The following EDIL3 variants were observed in gnomAD, a reference collection of about 807,000 sequenced individuals.
EDIL3 encodes EGF like and discoidin domains 3, also known as EGF-like repeat and discoidin I-like domain-containing protein 3.
EDIL3 carries 37 observed loss-of-function variants against 67.4 expected under a neutral mutation model. The observed-to-expected ratio is 0.55, with a 90% CI of 0.42 to 0.72. EDIL3 has a LOEUF of 0.72. Among genes scored for constraint, EDIL3 ranks in the 30% least tolerant of loss-of-function variants. The probability of loss-of-function intolerance (pLI) is 0.00; values close to 1 mark genes in which losing one functional copy is unlikely to be tolerated. For synonymous variants in EDIL3, 195 were observed against 196.3 expected (o/e 0.99, Z 0.05); for missense variants, 527 against 586.3 (o/e 0.90, Z 1.04).
chr5:84,340,749 T>C (rs75145341), intron 1 of EDIL3, among the ~76,000 whole-genome samples: 4,842 of 151,760 alleles, frequency 0.032, 111 homozygotes, highest in Non-Finnish European at 0.048. Context: ...AGTCTTTCCA[T>C]TGCCAGTGAG....
intron 1 of EDIL3, among the ~76,000 whole-genome samples, chr5:84,363,069 G>GTA (rs1747647588): frequency 6.6e-6 from 1 of 151,682 alleles, no homozygotes. Context: ...TCTACTTTAA[G>GTA]TATATACCTT....
At chr5:84,380,170 AAAC>A (rs1748045331) in intron 1 of EDIL3, among the ~76,000 whole-genome samples, 1 of 152,064 alleles carries the variant, frequency 6.6e-6, no homozygotes, top group South Asian at 2.1e-4. Flanking sequence ...TTGATTAAGC[AAAC>A]AACATTATAA....
chr5:84,303,211 T>C (rs999164575), intron 1 of EDIL3, among the ~76,000 whole-genome samples: 1 of 152,244 alleles, frequency 6.6e-6, no homozygotes, highest in Non-Finnish European at 1.5e-5. Flanking sequence ...GACTTCTCTT[T>C]ACTATGTGTG....
chr5:84,371,351 GTATATATA>G (rs1213269268), intron 1 of EDIL3, among the ~76,000 whole-genome samples: 1 of 103,708 alleles, frequency 9.6e-6, no homozygotes, highest in Non-Finnish European at 2.3e-5. Context: ...ATGTGTGTGT[GTATATATA>G]TGTGTGTATA....
intron 9 of EDIL3, among the ~76,000 whole-genome samples, chr5:84,038,169 T>C (rs17629239): frequency 0.16 from 24,208 of 151,524 alleles, 2,318 homozygotes; most frequent in East Asian, 0.29. Context: ...TGCCAGGCTA[T>C]GGAATTCTCT....
At chr5:84,155,051 C>G (rs253160) in intron 4 of EDIL3, among the ~76,000 whole-genome samples, 60,533 of 151,862 alleles carry the variant, frequency 0.4, 12,540 homozygotes, top group East Asian at 0.74. Flanking sequence ...GCTGCAAGCT[C>G]CATCCTGGGA....
chr5:84,200,465 T>C (rs767050984), intron 3 of EDIL3, among the ~76,000 whole-genome samples: 4 of 151,914 alleles, frequency 2.6e-5, no homozygotes, highest in Non-Finnish European at 5.9e-5. Context: ...AGTAACACCA[T>C]AAGTTTTGAA....
intron 1 of EDIL3, among the ~76,000 whole-genome samples, chr5:84,293,878 AT>A (rs1477492609): frequency 6.6e-6 from 1 of 151,726 alleles, no homozygotes; most frequent in Non-Finnish European, 1.5e-5. Flanking sequence ...TTTATATGTA[AT>A]TTCTTGCAAC....
At chr5:84,104,568 T>C (rs1233246373) in intron 6 of EDIL3, among the ~76,000 whole-genome samples, 1 of 152,026 alleles carries the variant, frequency 6.6e-6, no homozygotes, top group Non-Finnish European at 1.5e-5. Context: ...TATAAAACCT[T>C]TCATGTTTAC....
At chr5:84,133,781 C>G (rs1435414032) in intron 5 of EDIL3, among the ~76,000 whole-genome samples, 1 of 151,728 alleles carries the variant, frequency 6.6e-6, no homozygotes, top group Non-Finnish European at 1.5e-5. Flanking sequence ...AATAATAAAA[C>G]TTAACCAAAC....
chr5:84,210,122 A>C (rs1744088211), intron 3 of EDIL3, among the ~76,000 whole-genome samples: 1 of 152,248 alleles, frequency 6.6e-6, no homozygotes, highest in African/African-American at 2.4e-5. Context: ...TCATGTGTTC[A>C]AAACAAAATT....
intron 2 of EDIL3, among the ~76,000 whole-genome samples, chr5:84,248,268 T>C (rs540861624): frequency 9.9e-5 from 15 of 152,258 alleles, no homozygotes; most frequent in Admixed American, 8.5e-4. Flanking sequence ...TCAAAGGAAA[T>C]GCTTATCTTG....
At chr5:84,313,724 G>A (rs369623704) in intron 1 of EDIL3, among the ~76,000 whole-genome samples, 11 of 152,244 alleles carry the variant, frequency 7.2e-5, no homozygotes, top group East Asian at 3.9e-4. Flanking sequence ...CCACATCTCC[G>A]ACCAATTAAA....
chr5:84,011,595 C>A (rs897114851), intron 9 of EDIL3, among the ~76,000 whole-genome samples: 2 of 152,140 alleles, frequency 1.3e-5, no homozygotes, highest in Non-Finnish European at 2.9e-5. Flanking sequence ...TTTTATCACA[C>A]ACAAATCAAA....
intron 1 of EDIL3, among the ~76,000 whole-genome samples, chr5:84,354,503 A>C (rs1446770904): frequency 1.3e-5 from 2 of 151,946 alleles, no homozygotes. Context: ...CTAAAAATAC[A>C]AAAATTAGCC....
At position 84,144,584 on chromosome 5, in the gene EDIL3, C is replaced by T. The variant is rs113945626; in HGVS notation, c.356-7230G>A. Among the ~76,000 whole-genome samples the T allele has an allele frequency of 4.9e-3, 752 of 152,102 alleles. 14 individuals are homozygous for T. Among genetic ancestry groups the T allele is most frequent in the East Asian group, 0.038 (194 of 5,170 alleles). On this transcript the variant is annotated intron_variant, in intron 4 of 10. Coordinates refer to ENST00000296591, the MANE Select transcript of EDIL3 (RefSeq NM_005711.5). ...ACTAGGGAAAAGTGCTTTTGAATTA[C>T]ATGGAGTTATAAATAGTTGACTCTG...
Position 84,254,095 on chromosome 5 carries a change from A to G in EDIL3, c.185T>C (p.Val62Ala), listed in dbSNP as rs201038512. The change falls in exon 2 of 11, where the codon GTT (valine) becomes GCT (alanine). Residue 62 changes from valine (V) to alanine (A), a missense_variant. Coordinates refer to ENST00000296591, the MANE Select transcript of EDIL3 (RefSeq NM_005711.5). The part of the protein sequence containing the change: ...DGFTDPNCSS[V>A]VEVASDEEEP... ...AATTTTGCACTTACCAACCTCCACA[A>G]CACTAGAACAGTTGGGGTCTGTGAA... The G allele has an allele frequency of 2.1e-5, 34 of 1,603,180 alleles. No homozygotes were observed. The highest frequency in any genetic ancestry group is 2.7e-5 in the Non-Finnish European group (32 of 1,175,538).
intron 9 of EDIL3, among the ~76,000 whole-genome samples, chr5:84,019,459 G>A (rs1745670741): frequency 1.3e-5 from 2 of 151,726 alleles, no homozygotes; most frequent in African/African-American, 4.8e-5. Context: ...CAAGTTAATG[G>A]GTGCAGCACA....
At chr5:83,943,612 T>C (rs1744263643) in intron 10 of EDIL3, 44 bp from the exon 11 acceptor site, 1 of 1,593,426 alleles carries the variant, frequency 6.3e-7, no homozygotes, top group South Asian at 1.1e-5. Context: ...CAGCCTTCTT[T>C]CTTTGAAATT....
Sources: allele counts gnomAD v4.1 joint callset (sites outside exome capture counted in the v4.1 genomes callset), GRCh38; gene constraint gnomAD v4.1.1; transcripts MANE v1.5; gene names NCBI Gene and HGNC (gene_info 2026-07-23, HGNC 2026-07-21).